Variants in GTSF1 observed in about 807,000 individuals in gnomAD.
GTSF1 encodes the protein gametocyte specific factor 1.
GTSF1 carries 11 observed loss-of-function variants against 28.9 expected under a neutral mutation model. The observed-to-expected ratio is 0.38, with a 90% CI of 0.24 to 0.63. The LOEUF (loss-of-function observed/expected upper bound fraction) is 0.63, where lower values mean the gene tolerates loss of function less well. GTSF1 is among the 30% of genes least tolerant of loss of function. GTSF1 has a pLI of 0.56. For synonymous variants in GTSF1, 69 were observed against 65.6 expected (o/e 1.05, Z -0.25); for missense variants, 146 against 201.0 (o/e 0.73, Z 1.66).
chr12:54,467,056 T>C (rs1039143841), intron 2 of GTSF1: 2 of 152,172 alleles, frequency 1.3e-5, no homozygotes, highest in Non-Finnish European at 2.9e-5. Context: ...TTCCTTATTG[T>C]TGTGCAACTA....
At chr12:54,456,853 G>A (rs921900583) in intron 8 of GTSF1, among the ~76,000 whole-genome samples, 1 of 152,142 alleles carries the variant, frequency 6.6e-6, no homozygotes, top group African/African-American at 2.4e-5. Flanking sequence ...TGGAGGCCAA[G>A]GCGGGTGGAA....
intron 1 of GTSF1, chr12:54,472,216 T>C (rs1179762763): frequency 1.3e-5 from 2 of 152,234 alleles, no homozygotes; most frequent in African/African-American, 4.8e-5. Context: ...ACCCTTCCAA[T>C]ATGCTTGGAA....
chr12:54,462,246 T>C, intron 5 of GTSF1, 74 bp from the exon 6 acceptor site: 2 of 1,082,258 alleles, frequency 1.8e-6, no homozygotes, highest in Non-Finnish European at 2.8e-6. Context: ...GTTGAATTTA[T>C]AAGATGGGAA....
chr12:54,465,453 A>G (rs748137616), intron 2 of GTSF1, among the ~76,000 whole-genome samples: 2 of 152,278 alleles, frequency 1.3e-5, no homozygotes, highest in African/African-American at 2.4e-5. Context: ...AAGTTAAATA[A>G]AATGTCATCC....
chr12:54,470,748 G>T (rs1956583982), intron 2 of GTSF1, among the ~76,000 whole-genome samples: 1 of 152,138 alleles, frequency 6.6e-6, no homozygotes, highest in African/African-American at 2.4e-5. Context: ...AGGTTCTGTT[G>T]TCTCTGTTGT....
intron 7 of GTSF1, among the ~76,000 whole-genome samples, chr12:54,460,019 C>T (rs1956398900): frequency 8.2e-6 from 1 of 122,140 alleles, no homozygotes; most frequent in Admixed American, 7.3e-5. Context: ...AGCCACCGCG[C>T]CCGGCCTGAT....
In GTSF1 at chr12:54,462,940, G is replaced by T. The variant is rs144264738; in HGVS notation, c.245-215C>A. 2.1e-3 allele frequency among the ~76,000 whole-genome samples: 326 copies of T among 152,280 alleles called. 2 individuals carry two copies. Among genetic ancestry groups the T allele is most frequent in the African/African-American group, 7.4e-3 (309 of 41,568 alleles). Reference sequence around the variant, plus strand: ...GTTTACCATATTTATGGCAATAAAAGATTTATTTTTAGATGAATTATTAGT... The same window carrying T: ...GTTTACCATATTTATGGCAATAAAATATTTATTTTTAGATGAATTATTAGT... On this transcript the variant is annotated intron_variant, in intron 4 of 8. Coordinates refer to ENST00000305879, the MANE Select transcript of GTSF1 (RefSeq NM_144594.3).
At chr12:54,460,185 T>A in intron 7 of GTSF1, among the ~76,000 whole-genome samples, 192 bp downstream of exon 7, 1 of 152,224 alleles carries the variant, frequency 6.6e-6, no homozygotes, top group East Asian at 1.9e-4. Flanking sequence ...TTCCTGTTCA[T>A]AATTTCTTGC....
At chr12:54,456,946 G>C (rs1439840301) in intron 8 of GTSF1, among the ~76,000 whole-genome samples, 2 of 152,146 alleles carry the variant, frequency 1.3e-5, no homozygotes, top group African/African-American at 4.8e-5. Flanking sequence ...TTAGCCGGGC[G>C]TGGTGGCACA....
intron 4 of GTSF1, 34 bp downstream of exon 4, chr12:54,463,137 C>T (rs751336245): frequency 3.7e-6 from 6 of 1,604,006 alleles, no homozygotes; most frequent in Non-Finnish European, 5.1e-6. Context: ...GAGCTACCCT[C>T]CAGTACTGAA....
At chr12:54,459,317 C>A in intron 7 of GTSF1, 192 bp from the exon 8 acceptor site, 4 of 1,442,884 alleles carry the variant, frequency 2.8e-6, no homozygotes, top group East Asian at 5.3e-5. Flanking sequence ...ACCTACCAAG[C>A]CTTTTGACAT....
At chr12:54,458,609 T>C (rs1269231484) in intron 8 of GTSF1, among the ~76,000 whole-genome samples, 1 of 152,080 alleles carries the variant, frequency 6.6e-6, no homozygotes, top group East Asian at 1.9e-4. Context: ...TGACCTCAAA[T>C]GGTCTGCCCG....
chr12:54,464,322 C>T (rs895770160), intron 3 of GTSF1, among the ~76,000 whole-genome samples: 1 of 152,160 alleles, frequency 6.6e-6, no homozygotes, highest in Non-Finnish European at 1.5e-5. Flanking sequence ...GGGATCCTTG[C>T]TCTCGAGATT....
rs886918840 is a variant in GTSF1 at position 54,468,936 on chromosome 12, A to C, written c.16+2297T>G. 2.0e-5 allele frequency: 3 copies of C among 152,306 alleles called. No homozygotes were observed. In the South Asian group the frequency reaches 6.2e-4, roughly 32 times the overall value. 9.4% of individuals were successfully genotyped at this position (152,306 alleles called of 1,614,324 possible). A position where few individuals can be genotyped will look rare whatever the true frequency, so the allele number is the denominator to read the frequency against. On this transcript the variant is annotated intron_variant, in intron 2 of 8. Transcript: ENST00000305879. Reference sequence around the variant, plus strand: ...TCCAACACACTCCCAGGTGATATTTAAGAAAAAAAAAATGTGGCTGAAAAA... The same window carrying C: ...TCCAACACACTCCCAGGTGATATTTCAGAAAAAAAAAATGTGGCTGAAAAA...
chr12:54,456,420 G>A (rs1956331504), intron 8 of GTSF1, among the ~76,000 whole-genome samples: 1 of 152,148 alleles, frequency 6.6e-6, no homozygotes. Flanking sequence ...TTACAAGTGA[G>A]GAGAATATCA....
intron 1 of GTSF1, chr12:54,472,548 A>G (rs1956605884): frequency 6.6e-6 from 1 of 152,336 alleles, no homozygotes; most frequent in East Asian, 1.9e-4. Flanking sequence ...TCTATTGAGC[A>G]CTGAGACTAA....
At chr12:54,467,515 A>C (rs1249379657) in intron 2 of GTSF1, among the ~76,000 whole-genome samples, 1 of 151,812 alleles carries the variant, frequency 6.6e-6, no homozygotes, top group Non-Finnish European at 1.5e-5. Flanking sequence ...GGGTTTCATC[A>C]TGTTGGTCAG....
chr12:54,462,286 T>A, intron 5 of GTSF1, 114 bp from the exon 6 acceptor site: 1 of 718,392 alleles, frequency 1.4e-6, no homozygotes, highest in Non-Finnish European at 2.4e-6. Context: ...CAGAAGCAAG[T>A]AAAAATTGAT....
chr12:54,465,869 G>A (rs894441473), intron 2 of GTSF1, among the ~76,000 whole-genome samples: 1 of 151,994 alleles, frequency 6.6e-6, no homozygotes, highest in Non-Finnish European at 1.5e-5. Flanking sequence ...CCTAATCTTG[G>A]TTACTCTAAT....
Sources: allele counts gnomAD v4.1 joint callset (sites outside exome capture counted in the v4.1 genomes callset), GRCh38; gene constraint gnomAD v4.1.1; transcripts MANE v1.5; gene names NCBI Gene and HGNC (gene_info 2026-07-23, HGNC 2026-07-21).